Variants in CRB1 observed in about 807,000 individuals in gnomAD.
CRB1 encodes the protein protein crumbs homolog 1.
A neutral mutation model predicts 120.0 loss-of-function variants in CRB1; 83 were observed. The ratio of observed to expected loss-of-function variants is 0.69; its 90% CI spans 0.58 to 0.83. The LOEUF (loss-of-function observed/expected upper bound fraction) is 0.83. Among genes scored for constraint, CRB1 ranks in the 40% least tolerant of loss-of-function variants. The pLI is 0.00. For missense variants in CRB1, 1,699 were observed against 1,687.6 expected, an observed-to-expected ratio of 1.01 and a Z score of -0.12; for synonymous variants, 625 against 612.5, an observed-to-expected ratio of 1.02 and a Z score of -0.30.
chr1:197,289,616 T>C (rs770542311), intron 1 of CRB1, among the ~76,000 whole-genome samples: 4 of 151,870 alleles, frequency 2.6e-5, no homozygotes, highest in Non-Finnish European at 5.9e-5. Context: ...ATTCTCTCTG[T>C]TCTGTCTCAG....
the CRB1 span, among the ~76,000 whole-genome samples, chr1:197,202,435 A>ATCTT: frequency 6.6e-6 from 1 of 152,238 alleles, no homozygotes; most frequent in Non-Finnish European, 1.5e-5. Flanking sequence ...TAAAACCAAG[A>ATCTT]TAGAAAAAGG....
chr1:197,442,255 G>A lies in CRB1; in HGVS notation c.3968G>A (p.Cys1323Tyr), dbSNP rs1167546627. 3.7e-6 allele frequency: 6 copies of A among 1,614,076 alleles called. No homozygotes were observed. In the Admixed American group the frequency reaches 5.0e-5, roughly 13 times the overall value. The change falls in exon 11 of 12, where the codon TGT becomes TAT. Residue 1323 changes from cysteine (C) to tyrosine (Y), a missense_variant. Transcript: ENST00000367400. ...QDLLNKFQCL[C>Y]DVAFAGERCE... The stretch of plus-strand genomic sequence containing the variant: ...TTACTCAACAAATTCCAGTGCCTCT[G>A]TGATGTTGCCTTTGCTGGCGAGCGC...
chr1:197,373,752 C>G (rs538718307), intron 5 of CRB1, among the ~76,000 whole-genome samples: 1 of 152,160 alleles, frequency 6.6e-6, no homozygotes, highest in African/African-American at 2.4e-5. Context: ...ATGCCAGCAG[C>G]CTTATCAGAG....
intron 3 of CRB1, among the ~76,000 whole-genome samples, chr1:197,347,016 G>A (rs1023857541): frequency 1.1e-4 from 16 of 152,048 alleles, no homozygotes; most frequent in Non-Finnish European, 1.8e-4. Flanking sequence ...CAGATATGTG[G>A]AATACTGTGT....
intron 5 of CRB1, chr1:197,414,071 C>CTA (rs1663847983): frequency 2.9e-5 from 11 of 373,292 alleles, no homozygotes; most frequent in African/African-American, 1.2e-4. Context: ...TATTTAGCAA[C>CTA]TATTGTTTAA....
At chr1:197,222,983 G>A in the CRB1 span, 1 of 809,798 alleles carries the variant, frequency 1.2e-6, no homozygotes, top group South Asian at 1.3e-5. Flanking sequence ...CAGTGGGAAT[G>A]CAGTGGTAGA....
At chr1:197,323,115 T>G (rs1348549131) in intron 1 of CRB1, among the ~76,000 whole-genome samples, 2 of 152,200 alleles carry the variant, frequency 1.3e-5, no homozygotes, top group East Asian at 3.9e-4. Flanking sequence ...TCTAATTATT[T>G]TCATTCTTAT....
intron 1 of CRB1, among the ~76,000 whole-genome samples, chr1:197,285,096 A>G (rs1371455428): frequency 6.6e-6 from 1 of 151,874 alleles, no homozygotes; most frequent in Non-Finnish European, 1.5e-5. Flanking sequence ...TGGTCATTAA[A>G]CTGTGAAGGA....
At chr1:197,216,352 T>C in the CRB1 span, among the ~76,000 whole-genome samples, 2 of 152,236 alleles carry the variant, frequency 1.3e-5, no homozygotes, top group East Asian at 3.8e-4. Context: ...ATATTAATTC[T>C]ATTTACAGCT....
chr1:197,217,858 GAA>G, the CRB1 span, among the ~76,000 whole-genome samples: 1 of 152,070 alleles, frequency 6.6e-6, no homozygotes, highest in Non-Finnish European at 1.5e-5. Flanking sequence ...TGTAACAACA[GAA>G]AAATACTTAT....
rs1463952730 is a variant in CRB1 at position 197,421,890 on chromosome 1, A to G, written c.2062A>G (p.Ile688Val). 6.2e-7 allele frequency: 1 copy of G among 1,614,114 alleles called. No individual in the cohort carries two copies. The highest frequency in any genetic ancestry group is 8.5e-7 in the Non-Finnish European group (1 of 1,180,046). Residue 688 changes from isoleucine (I) to valine (V), a missense_variant, in exon 6 of 12, where the codon ATC (isoleucine) becomes GTC (valine). Transcript: ENST00000367400. Reference protein sequence around the residue: ...SQPCQSRGRCINLWLSYQCDC... With the variant: ...SQPCQSRGRCVNLWLSYQCDC... The stretch of plus-strand genomic sequence containing the variant: ...ACCTTGTCAAAGCAGAGGACGCTGC[A>G]TCAACTTGTGGCTGAGTTACCAGTG...
chr1:197,331,191 G>A (rs1269229460), intron 2 of CRB1, among the ~76,000 whole-genome samples: 1 of 151,834 alleles, frequency 6.6e-6, no homozygotes, highest in African/African-American at 2.4e-5. Flanking sequence ...TCCTCCAAGA[G>A]CCTGACTCAG....
intron 1 of CRB1, among the ~76,000 whole-genome samples, chr1:197,325,710 G>A (rs1658455013): frequency 6.6e-6 from 1 of 151,700 alleles, no homozygotes; most frequent in Non-Finnish European, 1.5e-5. Flanking sequence ...TCAACAGTTT[G>A]AGGAAAAAAA....
intron 5 of CRB1, among the ~76,000 whole-genome samples, chr1:197,367,991 A>G (rs770754269): frequency 3.9e-5 from 6 of 152,226 alleles, no homozygotes; most frequent in Non-Finnish European, 8.8e-5. Context: ...GCTAAAAATG[A>G]AGCGTTCACT....
At chr1:197,304,714 A>G (rs910343443) in intron 1 of CRB1, among the ~76,000 whole-genome samples, 4 of 152,228 alleles carry the variant, frequency 2.6e-5, no homozygotes, top group African/African-American at 9.6e-5. Context: ...GGCTACATCT[A>G]CAGGCTTGCA....
the CRB1 span, among the ~76,000 whole-genome samples, chr1:197,258,235 T>C: frequency 6.6e-6 from 1 of 152,282 alleles, no homozygotes; most frequent in South Asian, 2.1e-4. Context: ...GGAAGCTTGC[T>C]CCATCAAATA....
In CRB1 at chr1:197,434,768, A is replaced by AT; in HGVS notation, c.2907dup (p.Thr970TyrfsTer28). On this transcript the variant is annotated frameshift_variant, in exon 9 of 12. Coordinates refer to ENST00000367400, the MANE Select transcript of CRB1 (RefSeq NM_201253.3). LOFTEE classifies it high-confidence loss of function. ...AATATTATTCAGAAGCAATGGGAAT[A>AT]TTACCAGAGAACTCACCAATATCAC... 1 of 1,613,714 alleles carries AT rather than the reference A, an allele frequency of 6.2e-7. No individual in the cohort carries two copies.
chr1:197,288,093 A>G (rs1026040125), intron 1 of CRB1, among the ~76,000 whole-genome samples: 1 of 151,896 alleles, frequency 6.6e-6, no homozygotes, highest in African/African-American at 2.4e-5. Flanking sequence ...GATGAAATTC[A>G]TGAGACGGAG....
chr1:197,226,981 C>A, the CRB1 span, among the ~76,000 whole-genome samples: 2 of 152,114 alleles, frequency 1.3e-5, no homozygotes, highest in Non-Finnish European at 2.9e-5. Context: ...CAAATTATCT[C>A]CCACCAGGTT....
Sources: allele counts gnomAD v4.1 joint callset (sites outside exome capture counted in the v4.1 genomes callset), GRCh38; gene constraint gnomAD v4.1.1; transcripts MANE v1.5; gene names NCBI Gene and HGNC (gene_info 2026-07-23, HGNC 2026-07-21).